The following ESR1 variants were observed in gnomAD, a reference collection of about 807,000 sequenced individuals.
The protein encoded by ESR1 is estrogen receptor 1, also known as estrogen receptor.
A neutral mutation model predicts 52.7 loss-of-function variants in ESR1; 12 were observed. That is an observed-to-expected ratio of 0.23 (90% CI 0.15 to 0.37). The LOEUF is 0.37. ESR1 is among the 10% of genes least tolerant of loss of function. The probability of loss-of-function intolerance (pLI) is 1.00; values close to 1 mark genes in which losing one functional copy is unlikely to be tolerated. For missense variants in ESR1, 584 were observed against 779.7 expected (o/e 0.75, Z 2.99); for synonymous variants, 305 against 316.8 (o/e 0.96, Z 0.39).
intron 3 of ESR1, among the ~76,000 whole-genome samples, chr6:151,934,371 T>C (rs76231624): frequency 0.01 from 1,543 of 152,330 alleles, 18 homozygotes; most frequent in African/African-American, 0.036. Flanking sequence ...TATGACGTTG[T>C]GAGGATAGGG....
chr6:151,825,884 C>A (rs1781390288), intron 1 of ESR1, among the ~76,000 whole-genome samples: 1 of 123,640 alleles, frequency 8.1e-6, no homozygotes, highest in Admixed American at 1.0e-4. Context: ...GCACTCCAGC[C>A]TGGGTGGCAG....
chr6:151,969,439 A>ACT (rs1700363429), intron 4 of ESR1, among the ~76,000 whole-genome samples: 2 of 152,158 alleles, frequency 1.3e-5, no homozygotes, highest in Non-Finnish European at 2.9e-5. Context: ...GATGTAGAGC[A>ACT]AGCAAGTGCC....
At chr6:152,095,899 C>A (rs1368599122) in intron 7 of ESR1, among the ~76,000 whole-genome samples, 1 of 152,224 alleles carries the variant, frequency 6.6e-6, no homozygotes, top group Non-Finnish European at 1.5e-5. Flanking sequence ...AAATACTCAA[C>A]AAATGTTTTC....
intron 2 of ESR1, among the ~76,000 whole-genome samples, chr6:151,771,316 A>C (rs1290651394): frequency 6.6e-6 from 1 of 152,236 alleles, no homozygotes; most frequent in East Asian, 1.9e-4. Context: ...TAGTAGAAAA[A>C]TTGGGCACTT....
chr6:151,877,202 C>G (rs906633387), intron 2 of ESR1, among the ~76,000 whole-genome samples: 9 of 152,138 alleles, frequency 5.9e-5, no homozygotes, highest in Non-Finnish European at 1.2e-4. Flanking sequence ...TGCTGGTGAG[C>G]TGCACCCACT....
At chr6:152,022,641 C>T (rs2043767213) in intron 5 of ESR1, among the ~76,000 whole-genome samples, 1 of 151,868 alleles carries the variant, frequency 6.6e-6, no homozygotes, top group Admixed American at 6.6e-5. Context: ...AGTAGAGGTA[C>T]AAAGTTCCTT....
intron 2 of ESR1, among the ~76,000 whole-genome samples, chr6:151,755,389 CCT>C (rs1271581299): frequency 1.3e-5 from 2 of 152,134 alleles, no homozygotes; most frequent in African/African-American, 2.4e-5. Flanking sequence ...ATTCTTGACT[CCT>C]CTCTTCCATG....
At chr6:151,784,832 T>A (rs59447990) in intron 2 of ESR1, among the ~76,000 whole-genome samples, 3 of 152,338 alleles carry the variant, frequency 2.0e-5, no homozygotes, top group African/African-American at 7.2e-5. Flanking sequence ...GTCTTTATAA[T>A]ATTTATTGGT....
At chr6:151,809,335 TC>T (rs1409614039) in intron 1 of ESR1, 2 of 281,546 alleles carry the variant, frequency 7.1e-6, no homozygotes, top group African/African-American at 4.6e-5. Flanking sequence ...CTCCTCTCCC[TC>T]CCATTTTCTC....
At chr6:151,941,987 A>G (rs2035127415) in intron 3 of ESR1, among the ~76,000 whole-genome samples, 2 of 152,074 alleles carry the variant, frequency 1.3e-5, no homozygotes, top group African/African-American at 4.8e-5. Context: ...ACCTGATTTC[A>G]TGTCTCCTTA....
intron 4 of ESR1, among the ~76,000 whole-genome samples, chr6:152,006,196 A>G (rs928098976): frequency 6.6e-6 from 1 of 152,012 alleles, no homozygotes; most frequent in African/African-American, 2.4e-5. Flanking sequence ...TGGATGTTGC[A>G]TTTATTTTAT....
At chr6:151,963,652 T>C (rs2037923279) in intron 4 of ESR1, among the ~76,000 whole-genome samples, 1 of 152,202 alleles carries the variant, frequency 6.6e-6, no homozygotes, top group South Asian at 2.1e-4. Flanking sequence ...TTGTCAATTG[T>C]TTACTTTGCT....
intron 3 of ESR1, among the ~76,000 whole-genome samples, chr6:151,909,022 GAAATATTTTT>G (rs1797860092): frequency 6.6e-6 from 1 of 152,062 alleles, no homozygotes; most frequent in Non-Finnish European, 1.5e-5. Flanking sequence ...TCTCAAAGTT[GAAATATTTTT>G]ATTTGGGCAA....
intron 5 of ESR1, 116 bp from the exon 6 acceptor site, chr6:152,060,875 G>T: frequency 1.2e-6 from 1 of 826,430 alleles, no homozygotes. Context: ...ATAGTTTTTT[G>T]TTAAAGATTT....
chr6:152,026,388 C>A (rs1287111003), intron 5 of ESR1, among the ~76,000 whole-genome samples: 1 of 151,946 alleles, frequency 6.6e-6, no homozygotes, highest in Non-Finnish European at 1.5e-5. Context: ...ATATCAAGAT[C>A]ATGACTCTTG....
intron 2 of ESR1, among the ~76,000 whole-genome samples, chr6:151,721,763 A>G (rs1337941023): frequency 6.6e-6 from 1 of 152,252 alleles, no homozygotes; most frequent in Non-Finnish European, 1.5e-5. Context: ...ATATCAGACT[A>G]ATTGGTTTAC....
At chr6:151,784,662 T>C (rs1786851164) in intron 2 of ESR1, among the ~76,000 whole-genome samples, 1 of 152,214 alleles carries the variant, frequency 6.6e-6, no homozygotes, top group African/African-American at 2.4e-5. Flanking sequence ...TTGCAACCAG[T>C]GTTACAGTTA....
chr6:151,811,250 G>A (rs1352614097), intron 1 of ESR1: 1 of 152,122 alleles, frequency 6.6e-6, no homozygotes, highest in Non-Finnish European at 1.5e-5. Flanking sequence ...TTGTTACTTG[G>A]CAAGCTGAGA....
intron 1 of ESR1, among the ~76,000 whole-genome samples, chr6:151,667,269 T>A (rs184976181): frequency 5.3e-5 from 8 of 152,356 alleles, no homozygotes; most frequent in Admixed American, 4.6e-4. Context: ...AATTGTTTTT[T>A]ATTAGTTTCT....
Sources: allele counts gnomAD v4.1 joint callset (sites outside exome capture counted in the v4.1 genomes callset), GRCh38; gene constraint gnomAD v4.1.1; transcripts MANE v1.5; gene names NCBI Gene and HGNC (gene_info 2026-07-23, HGNC 2026-07-21).